MACF1: variants seen among roughly 807,000 people sequenced by gnomAD.
MACF1 encodes microtubule-actin cross-linking factor 1.
Under a neutral mutation model 854.8 loss-of-function variants are expected in MACF1, and 193 were observed. The observed-to-expected ratio is 0.23, with a 90% CI of 0.20 to 0.25. The LOEUF (loss-of-function observed/expected upper bound fraction) is 0.25, where lower values mean the gene tolerates loss of function less well. Among genes scored for constraint, MACF1 ranks in the 10% least tolerant of loss-of-function variants. The pLI, the probability that MACF1 is intolerant of heterozygous loss-of-function variation, is 1.00. For synonymous variants in MACF1, 3,185 were observed against 3,226.7 expected (o/e 0.99, Z 0.44); for missense variants, 7,722 against 8,929.1 (o/e 0.86, Z 5.45).
chr1:39,396,973 C>T (rs1354086183), intron 58 of MACF1, among the ~76,000 whole-genome samples: 2 of 152,184 alleles, frequency 1.3e-5, no homozygotes, highest in African/African-American at 4.8e-5. Context: ...ATGGAATACA[C>T]TTACTCTCTA....
intron 57 of MACF1, 79 bp from the exon 58 acceptor site, chr1:39,387,108 T>C: frequency 6.7e-7 from 1 of 1,491,292 alleles, no homozygotes; most frequent in Non-Finnish European, 9.0e-7. Context: ...CCCCCAAGAT[T>C]AGACCGTATA....
chr1:39,222,232 C>T (rs568647027), intron 1 of MACF1, among the ~76,000 whole-genome samples: 1 of 152,310 alleles, frequency 6.6e-6, no homozygotes, highest in African/African-American at 2.4e-5. Context: ...TCAAGTGACC[C>T]TCCCACCTCA....
At chr1:39,314,997 G>A (rs902690961) in intron 26 of MACF1, among the ~76,000 whole-genome samples, 1 of 152,100 alleles carries the variant, frequency 6.6e-6, no homozygotes, top group Non-Finnish European at 1.5e-5. Context: ...TTCCATTTGA[G>A]AGCCACCCTT....
rs763870531 is a variant in MACF1, at chr1:39,310,377, G to A, written c.3049G>A (p.Val1017Met). ...VADRLRLEEE[V>M]EACKARFQHL... The stretch of plus-strand genomic sequence containing the variant: ...TGATCGCTTGCGCTTGGAAGAGGAG[G>A]TGGAAGCTTGTAAAGCCCGCTTCCA... The change falls in exon 25 of 101, where the codon GTG becomes ATG. Residue 1017 changes from valine (V) to methionine (M), a missense_variant. Around this residue, in one of 15 missense-constraint regions of MACF1, gnomAD observed 1,137 missense variants for 1,263.0 expected, o/e 0.90. Transcript: ENST00000564288. 7 of 1,614,056 alleles carry A rather than the reference G, an allele frequency of 4.3e-6. No individual in the cohort carries two copies. Among genetic ancestry groups the A allele is most frequent in the Non-Finnish European group, 5.9e-6 (7 of 1,180,040 alleles).
At chr1:39,244,680 C>A (rs778056622) in intron 2 of MACF1, among the ~76,000 whole-genome samples, 6 of 151,806 alleles carry the variant, frequency 4.0e-5, no homozygotes, top group Admixed American at 6.6e-5. Context: ...TGGGTTCAAG[C>A]AAATTCTCCT....
intron 2 of MACF1, among the ~76,000 whole-genome samples, chr1:39,140,204 G>A (rs964092708): frequency 7.2e-5 from 11 of 152,024 alleles, no homozygotes; most frequent in African/African-American, 2.4e-4. Flanking sequence ...ATCCTTCTGC[G>A]TTAGTCCTCC....
intron 58 of MACF1, among the ~76,000 whole-genome samples, chr1:39,417,157 A>G (rs1345782471): frequency 6.6e-6 from 1 of 152,234 alleles, no homozygotes; most frequent in Non-Finnish European, 1.5e-5. Context: ...AGACATGGAT[A>G]CATGGTTAAA....
chr1:39,422,355 T>C lies in MACF1; in HGVS notation c.15817-19T>C, dbSNP rs1349100897. On this transcript the variant is annotated intron_variant, in intron 58 of 100. Coordinates refer to ENST00000564288, the MANE Select transcript of MACF1 (RefSeq NM_001394062.1). Reference sequence around the variant, plus strand: ...TAATAGCCTTTGTATTAAATCTTCTTTGGCTTGTAATTATCTAGATGTTTC... The same window carrying C: ...TAATAGCCTTTGTATTAAATCTTCTCTGGCTTGTAATTATCTAGATGTTTC... 6 of 1,611,134 alleles carry C rather than the reference T, an allele frequency of 3.7e-6. No homozygotes were observed. The African/African-American group carries it at 5.3e-5, about 14-fold the overall frequency.
intron 6 of MACF1, among the ~76,000 whole-genome samples, chr1:39,277,170 CT>C (rs1342724826): frequency 8.2e-5 from 12 of 145,550 alleles, no homozygotes; most frequent in African/African-American, 2.7e-4. Flanking sequence ...AAAAAAAACC[CT>C]AATCCAGTGT....
At chr1:39,258,539 G>A (rs1351389008) in intron 6 of MACF1, among the ~76,000 whole-genome samples, 2 of 152,230 alleles carry the variant, frequency 1.3e-5, no homozygotes, top group African/African-American at 2.4e-5. Flanking sequence ...TCACACCCAA[G>A]AGCATCTTGA....
chr1:39,297,794 C>T, intron 21 of MACF1, 49 bp downstream of exon 21: 1 of 1,601,496 alleles, frequency 6.2e-7, no homozygotes, highest in South Asian at 1.1e-5. Context: ...AGAGAGTAAA[C>T]CATATCAGCT....
At chr1:39,365,279 T>C (rs1234874672) in intron 49 of MACF1, among the ~76,000 whole-genome samples, 6 of 152,120 alleles carry the variant, frequency 3.9e-5, no homozygotes, top group African/African-American at 1.4e-4. Flanking sequence ...GGTTTCACCA[T>C]GTTAGCCAGG....
rs769229589 is a variant in MACF1 at position 39,347,001 on chromosome 1, A to G, written c.10606A>G (p.Arg3536Gly). ...GGATTTGAAACAGCCCATGGCTGAA[A>G]GGAAAGCTCAGCTGGATGCTCTTGC... ...YEDLKQPMAE[R>G]KAQLDALAFD... The change falls in exon 41 of 101, where the codon AGG (arginine) becomes GGG (glycine). Residue 3536 changes from arginine to glycine, a missense_variant. Transcript: ENST00000564288. 1.7e-5 allele frequency: 27 copies of G among 1,612,324 alleles called. No individual in the cohort carries two copies. Among genetic ancestry groups the G allele is most frequent in the Non-Finnish European group, 2.1e-5 (25 of 1,179,454 alleles).
rs55658204 is a variant in MACF1 at position 39,186,170 on chromosome 1, ATCTCTCTCTCTCTCTC to A, written c.221-44982_221-44967del. Among the ~76,000 whole-genome samples the A allele has an allele frequency of 7.4e-3, 812 of 109,858 alleles. 17 individuals are homozygous for A. The highest frequency in any genetic ancestry group is 0.015 in the Middle Eastern group (3 of 204). 72.1% of individuals were successfully genotyped at this position (109,858 alleles called of 152,430 possible). On this transcript the variant is annotated intron_variant, in intron 2 of 93. Transcript: ENST00000361689. ...CCATGTGGGGGCTGGGATTCTGAAC[ATCTCTCTCTCTCTCTC>A]TCTCTCTCTCTCTCTCTCTCTCTCT...
In MACF1 at chr1:39,460,694, T is replaced by G; in HGVS notation, c.21423T>G (p.Asn7141Lys). The G allele has an allele frequency of 6.2e-7, 1 of 1,614,202 alleles. No homozygotes were observed. Among genetic ancestry groups the G allele is most frequent in the Non-Finnish European group, 8.5e-7 (1 of 1,180,020 alleles). ...VWRKKYMRWM[N>K]HKKSRVMDFF... ...GGAAAAAGTATATGCGTTGGATGAATCACAAAAAGTCTCGAGTGATGGATT... is the reference window on the plus strand; with the variant it reads ...GGAAAAAGTATATGCGTTGGATGAAGCACAAAAAGTCTCGAGTGATGGATT... Residue 7141 changes from asparagine (N) to lysine (K), a missense_variant, in exon 92 of 101, where the codon AAT (asparagine) becomes AAG (lysine). Asn to Lys is a moderately conservative substitution (Grantham distance 94). Coordinates refer to ENST00000564288, the MANE Select transcript of MACF1 (RefSeq NM_001394062.1). This position sits in a 1 kb window ranked among gnomAD's most constrained non-coding sequence, Gnocchi z 4.1.
rs1233857164 is a variant in MACF1 at position 39,447,532 on chromosome 1, C to T, written c.19706C>T (p.Ala6569Val). ...CTAGCAGAGCAGAGTTTAAACATCG[C>T]TTCTCCACCAAGCCTGATTCTAAAT... Reference protein sequence around the residue: ...LTLAEQSLNIASPPSLILNTV... With the variant: ...LTLAEQSLNIVSPPSLILNTV... The change falls in exon 81 of 101, where the codon GCT (alanine) becomes GTT (valine). Residue 6569 changes from alanine (A) to valine (V), a missense_variant. This residue lies in a region of MACF1 where 729 missense variants were observed against 900.5 expected (regional missense o/e 0.81). Coordinates refer to ENST00000564288, the MANE Select transcript of MACF1 (RefSeq NM_001394062.1). 1.2e-6 allele frequency: 2 copies of T among 1,614,026 alleles called. No individual in the cohort carries two copies. Among genetic ancestry groups the T allele is most frequent in the African/African-American group, 2.7e-5 (2 of 74,916 alleles).
intron 5 of MACF1, among the ~76,000 whole-genome samples, chr1:39,255,707 T>G (rs1645089594): frequency 6.6e-6 from 1 of 152,220 alleles, no homozygotes; most frequent in South Asian, 2.1e-4. Context: ...TGGTCCTCAG[T>G]TGGCACTTAA....
In MACF1 at chr1:39,096,765, C is replaced by T. The variant is rs1274172641; in HGVS notation, c.220+12327C>T. On this transcript the variant is annotated intron_variant, in intron 2 of 93. Transcript: ENST00000361689. ...CTCACTTTTTAACCATTATATTATA[C>T]TACCTTTCCTCTAGTAGTAAATATA... is the stretch of plus-strand genomic sequence containing the variant. Among the ~76,000 whole-genome samples, 3 of 152,108 alleles carry T rather than the reference C, an allele frequency of 2.0e-5. No individual in the cohort carries two copies. In the East Asian group the frequency reaches 5.8e-4, roughly 29 times the overall value.
chr1:39,439,471 A>G lies in MACF1; in HGVS notation c.18418A>G (p.Ile6140Val), dbSNP rs919926944. The change falls in exon 72 of 101, where the codon ATC (isoleucine) becomes GTC (valine). Residue 6140 changes from isoleucine (I) to valine (V), a missense_variant. Ile to Val is a conservative substitution (Grantham distance 29, BLOSUM62 3). Coordinates refer to ENST00000564288, the MANE Select transcript of MACF1 (RefSeq NM_001394062.1). ...DLESPGIDPS[I>V]IKQQVEAAET... ...GGAAAGCCCAGGCATTGATCCTTCC[A>G]TCATCAAACAACAGGTTGAAGCTGC... 6.2e-7 allele frequency: 1 copy of G among 1,614,162 alleles called. No individual in the cohort carries two copies. The highest frequency in any genetic ancestry group is 8.5e-7 in the Non-Finnish European group (1 of 1,180,000).
Sources: gnomAD v4.1 joint callset for allele counts (sites outside exome capture counted in the v4.1 genomes callset) on GRCh38, gnomAD v4.1.1 for gene constraint, gnomAD v4.1.1 regional missense constraint, Gnocchi (gnomAD v3.1) non-coding constraint, MANE v1.5 for transcripts, NCBI Gene and HGNC (gene_info 2026-07-23, HGNC 2026-07-21) for gene names.